The following EGFR variants were observed in gnomAD, a reference collection of about 807,000 sequenced individuals.
EGFR encodes the protein avian erythroblastic leukemia viral (v-erb-b) oncogene homolog.
EGFR carries 58 observed loss-of-function variants against 143.0 expected under a neutral mutation model. The ratio of observed to expected loss-of-function variants is 0.41; its 90% CI spans 0.33 to 0.50. The LOEUF (loss-of-function observed/expected upper bound fraction) is 0.50. Among genes scored for constraint, EGFR ranks in the 20% least tolerant of loss-of-function variants. The pLI is 0.39. For synonymous variants in EGFR, 613 were observed against 594.4 expected, an observed-to-expected ratio of 1.03 and a Z score of -0.45; for missense variants, 1,307 against 1,579.0, an observed-to-expected ratio of 0.83 and a Z score of 2.92.
At chr7:55,062,058 C>T (rs1490729613) in intron 1 of EGFR, among the ~76,000 whole-genome samples, 1 of 152,102 alleles carries the variant, frequency 6.6e-6, no homozygotes, top group Non-Finnish European at 1.5e-5. Flanking sequence ...ACCAAAACTC[C>T]AATTAACCAG....
chr7:55,135,608 T>G (rs1794090894), intron 1 of EGFR, among the ~76,000 whole-genome samples: 1 of 152,192 alleles, frequency 6.6e-6, no homozygotes, highest in Non-Finnish European at 1.5e-5. Flanking sequence ...CACAAAAGTT[T>G]TGATTAAACC....
chr7:55,093,268 T>C (rs1791236919), intron 1 of EGFR, among the ~76,000 whole-genome samples: 1 of 152,234 alleles, frequency 6.6e-6, no homozygotes, highest in Admixed American at 6.5e-5. Context: ...CTGCCTTCCA[T>C]GTTTTTTTGT....
chr7:55,027,832 T>C (rs1786981721), intron 1 of EGFR, among the ~76,000 whole-genome samples: 1 of 151,966 alleles, frequency 6.6e-6, no homozygotes, highest in Admixed American at 6.6e-5. Flanking sequence ...AGAAGAGACA[T>C]CTATGTTCTG....
intron 1 of EGFR, among the ~76,000 whole-genome samples, chr7:55,049,014 G>A (rs759165): frequency 0.043 from 6,576 of 152,180 alleles, 270 homozygotes; most frequent in South Asian, 0.13. Context: ...ATGCCCTACA[G>A]CAGCATCAAA....
At chr7:55,146,814 G>A (rs1174825945) in intron 4 of EGFR, 74 bp downstream of exon 4, 4 of 1,596,460 alleles carry the variant, frequency 2.5e-6, no homozygotes, top group African/African-American at 2.7e-5. Flanking sequence ...GGGCAGGGGA[G>A]AGAAGCCATG....
rs371668877 is a variant in EGFR, at chr7:55,205,219, G to A, written c.3272-37G>A. On this transcript the variant is annotated intron_variant, in intron 27 of 27. Transcript: ENST00000275493. ...GGGATCCTGCATGGGATGGTGCTTT[G>A]CTGATTACTTCACCTCTGATTTCTT... The A allele has an allele frequency of 6.8e-6, 11 of 1,612,194 alleles. No individual in the cohort carries two copies. The East Asian group carries it at 1.1e-4, about 16-fold the overall frequency.
intron 19 of EGFR, among the ~76,000 whole-genome samples, chr7:55,179,291 AGGCCTGTCTCCTGCATTTCACCCTCTT>A (rs1786746780): frequency 1.3e-5 from 2 of 152,242 alleles, no homozygotes; most frequent in Non-Finnish European, 2.9e-5. Flanking sequence ...ATGGAAGGCT[AGGCCTGTCTCCTGCATTTCACCCTCTT>A]GGCCTGGGGG....
At chr7:55,133,007 C>T (rs1030151097) in intron 1 of EGFR, among the ~76,000 whole-genome samples, 1 of 152,228 alleles carries the variant, frequency 6.6e-6, no homozygotes, top group East Asian at 1.9e-4. Flanking sequence ...ACTTCTAGGG[C>T]GACAGCTCAA....
chr7:55,087,462 G>A (rs764162351), intron 1 of EGFR, among the ~76,000 whole-genome samples: 3 of 152,046 alleles, frequency 2.0e-5, no homozygotes, highest in South Asian at 2.1e-4. Context: ...CATTCTATCC[G>A]GCAGTCTTAT....
chr7:55,089,874 T>C (rs922340694), intron 1 of EGFR, among the ~76,000 whole-genome samples: 1 of 152,186 alleles, frequency 6.6e-6, no homozygotes, highest in Non-Finnish European at 1.5e-5. Context: ...CTCTTTCCTG[T>C]CAATACAAGC....
rs139371843 is a variant in EGFR at position 55,079,336 on chromosome 7, G to T, written c.88+59971G>T. Among the ~76,000 whole-genome samples the T allele has an allele frequency of 1.5e-3, 226 of 152,344 alleles. 1 individual carries two copies. The highest frequency in any genetic ancestry group is 5.2e-3 in the African/African-American group (215 of 41,580). On this transcript the variant is annotated intron_variant, in intron 1 of 27. Transcript: ENST00000275493. ...GCCTGTGCAGCGGGGAAGAGGGGCGGGTCGGCGTGCTGCTGAAGATGCAGG... is the reference window on the plus strand; with the variant it reads ...GCCTGTGCAGCGGGGAAGAGGGGCGTGTCGGCGTGCTGCTGAAGATGCAGG...
chr7:55,119,358 A>G (rs1225739051), intron 1 of EGFR: 8 of 152,242 alleles, frequency 5.3e-5, no homozygotes, highest in Non-Finnish European at 1.0e-4. Flanking sequence ...GCCTGAAACC[A>G]ACACAATCTT....
At chr7:55,171,960 G>A (rs571893050) in intron 16 of EGFR, among the ~76,000 whole-genome samples, 9 of 152,068 alleles carry the variant, frequency 5.9e-5, no homozygotes, top group Non-Finnish European at 8.8e-5. Flanking sequence ...CTCCGCCCCC[G>A]AGTTGACAGC....
intron 1 of EGFR, among the ~76,000 whole-genome samples, chr7:55,080,892 GCCCTC>G (rs1390010460): frequency 6.6e-6 from 1 of 152,088 alleles, no homozygotes; most frequent in Non-Finnish European, 1.5e-5. Context: ...GTGTGGGATA[GCCCTC>G]CCTGTACAAC....
intron 1 of EGFR, chr7:55,043,909 T>G (rs1046234795): frequency 6.6e-6 from 1 of 152,222 alleles, no homozygotes; most frequent in East Asian, 1.9e-4. Flanking sequence ...TCCTGACCAG[T>G]TGCACTTGGC....
intron 7 of EGFR, among the ~76,000 whole-genome samples, chr7:55,155,404 T>G (rs1210353671): frequency 6.6e-6 from 1 of 152,206 alleles, no homozygotes; most frequent in South Asian, 2.1e-4. Flanking sequence ...ATCACACCAC[T>G]GCACTCCAGC....
intron 1 of EGFR, among the ~76,000 whole-genome samples, chr7:55,138,447 A>G (rs1187548983): frequency 6.6e-6 from 1 of 152,212 alleles, no homozygotes; most frequent in Non-Finnish European, 1.5e-5. Context: ...ATTTTTATGT[A>G]ATCCTTAAAG....
At chr7:55,032,643 C>G (rs2128864138) in intron 1 of EGFR, among the ~76,000 whole-genome samples, 1 of 152,242 alleles carries the variant, frequency 6.6e-6, no homozygotes, top group Middle Eastern at 3.4e-3. Context: ...GGTTCTCTGA[C>G]TGTCTCATGC....
chr7:55,201,897 C>A, intron 26 of EGFR, 115 bp downstream of exon 26: 1 of 1,334,500 alleles, frequency 7.5e-7, no homozygotes, highest in Non-Finnish European at 1.1e-6. Context: ...AGTTTTCTTC[C>A]TGTGTGGGTT....
Sources: allele counts gnomAD v4.1 joint callset (sites outside exome capture counted in the v4.1 genomes callset), GRCh38; gene constraint gnomAD v4.1.1; transcripts MANE v1.5; gene names NCBI Gene and HGNC (gene_info 2026-07-23, HGNC 2026-07-21).